The following AGBL1 variants were observed in gnomAD, a reference collection of about 807,000 sequenced individuals.
The protein encoded by AGBL1 is AGBL carboxypeptidase 1.
In AGBL1, 130 loss-of-function variants were observed where a neutral mutation model predicts 118.9. The ratio of observed to expected loss-of-function variants is 1.09; its 90% confidence interval spans 0.95 to 1.26. The LOEUF (loss-of-function observed/expected upper bound fraction) is 1.26, where lower values mean the gene tolerates loss of function less well. Ranked by LOEUF, AGBL1 falls within the 50% of genes most tolerant of loss-of-function variation. The pLI is 0.00. For missense variants in AGBL1, 1,584 were observed against 1,298.1 expected, an observed-to-expected ratio of 1.22 and a Z score of -3.38; for synonymous variants, 555 against 478.9, an observed-to-expected ratio of 1.16 and a Z score of -2.08.
chr15:86,546,591 A>G (rs8041860), intron 20 of AGBL1, among the ~76,000 whole-genome samples: 8,186 of 152,252 alleles, frequency 0.054, 698 homozygotes, highest in African/African-American at 0.18. Flanking sequence ...GACTTCAAAT[A>G]AATAGGAAGG....
chr15:86,224,813 G>A (rs2078334162), intron 5 of AGBL1, 101 bp from the exon 6 acceptor site: 3 of 1,072,706 alleles, frequency 2.8e-6, no homozygotes, highest in Non-Finnish European at 4.3e-6. Flanking sequence ...GTTAATCATG[G>A]GTCTGTTATG....
chr15:86,870,582 G>A (rs2079712781), intron 22 of AGBL1, among the ~76,000 whole-genome samples: 1 of 149,836 alleles, frequency 6.7e-6, no homozygotes, highest in Non-Finnish European at 1.5e-5. Context: ...TTGTACACAT[G>A]CTTACATGAG....
At chr15:86,711,043 A>G (rs537846177) in intron 22 of AGBL1, among the ~76,000 whole-genome samples, 4 of 152,286 alleles carry the variant, frequency 2.6e-5, no homozygotes, top group East Asian at 3.9e-4. Flanking sequence ...CTAGGCCACA[A>G]GGTGACTTCC....
At chr15:86,453,372 A>C (rs1039833141) in intron 18 of AGBL1, among the ~76,000 whole-genome samples, 1 of 152,208 alleles carries the variant, frequency 6.6e-6, no homozygotes, top group Non-Finnish European at 1.5e-5. Flanking sequence ...GGAAACTTCA[A>C]ATCCAATACA....
intron 21 of AGBL1, among the ~76,000 whole-genome samples, chr15:86,592,298 G>GA (rs1474643259): frequency 1.3e-5 from 2 of 152,130 alleles, no homozygotes; most frequent in African/African-American, 2.4e-5. Context: ...TGCCTCCTCA[G>GA]AAAAAAACGA....
At chr15:86,151,894 ATCATGAGTGAAC>A (rs1397549980) in intron 3 of AGBL1, among the ~76,000 whole-genome samples, 1 of 152,216 alleles carries the variant, frequency 6.6e-6, no homozygotes, top group Non-Finnish European at 1.5e-5. Context: ...AGAGAGCCAA[ATCATGAGTGAAC>A]TCCCATTCAC....
intron 24 of AGBL1, among the ~76,000 whole-genome samples, chr15:86,997,587 A>T (rs1425967248): frequency 6.6e-6 from 1 of 152,164 alleles, no homozygotes; most frequent in Non-Finnish European, 1.5e-5. Context: ...ATATTGATGG[A>T]TCACTTGATA....
chr15:86,087,332 C>CTT (rs565797859), intron 1 of AGBL1, among the ~76,000 whole-genome samples: 8 of 135,498 alleles, frequency 5.9e-5, no homozygotes, highest in South Asian at 2.4e-4. Context: ...ATTTAATGGG[C>CTT]TTTTTTTTTT....
At chr15:86,151,797 C>A (rs28804758) in intron 3 of AGBL1, among the ~76,000 whole-genome samples, 6,288 of 152,240 alleles carry the variant, frequency 0.041, 431 homozygotes, top group African/African-American at 0.14. Flanking sequence ...AGCCCAAAAT[C>A]TCCTTAAGCT....
At chr15:86,748,402 T>C (rs2077790425) in intron 22 of AGBL1, among the ~76,000 whole-genome samples, 3 of 151,986 alleles carry the variant, frequency 2.0e-5, no homozygotes, top group Non-Finnish European at 4.4e-5. Flanking sequence ...GATGAGTAGA[T>C]TGCAAAACTT....
At position 86,590,189 on chromosome 15, in the gene AGBL1, T is replaced by C. The variant is rs897246240; in HGVS notation, c.2994+35652T>C. ...AATAGGTTGTATTGGTAAAACACAT[T>C]ATGGGAGGGAGAGAAGAGGAGACTT... is the stretch of plus-strand genomic sequence containing the variant. On this transcript the variant is annotated intron_variant, in intron 21 of 22. Coordinates refer to ENST00000614907, the MANE Select transcript of AGBL1 (RefSeq NM_001386094.1). Among the ~76,000 whole-genome samples, 12 of 152,136 alleles carry C rather than the reference T, an allele frequency of 7.9e-5. 1 individual carries two copies. The highest frequency in any genetic ancestry group is 7.9e-4 in the Admixed American group (12 of 15,274).
intron 22 of AGBL1, among the ~76,000 whole-genome samples, chr15:86,706,487 T>A (rs937471365): frequency 6.6e-6 from 1 of 152,126 alleles, no homozygotes; most frequent in Non-Finnish European, 1.5e-5. Context: ...CTGCTAACCT[T>A]CTCCCACAAC....
intron 22 of AGBL1, among the ~76,000 whole-genome samples, chr15:86,892,682 C>A (rs1390992541): frequency 6.6e-6 from 1 of 152,120 alleles, no homozygotes; most frequent in Non-Finnish European, 1.5e-5. Flanking sequence ...AATGTTTATT[C>A]TTATTCTTTT....
chr15:86,743,058 T>G (rs2077702483), intron 22 of AGBL1, among the ~76,000 whole-genome samples: 1 of 152,122 alleles, frequency 6.6e-6, no homozygotes, highest in South Asian at 2.1e-4. Flanking sequence ...GCTGGATGAA[T>G]GGATGCATTT....
At chr15:86,780,889 A>C (rs2078327236) in intron 22 of AGBL1, among the ~76,000 whole-genome samples, 1 of 151,800 alleles carries the variant, frequency 6.6e-6, no homozygotes, top group Admixed American at 6.6e-5. Context: ...TCTGATTTTG[A>C]ACTCCTGACC....
chr15:86,196,707 C>G (rs1387764563), intron 5 of AGBL1, among the ~76,000 whole-genome samples: 1 of 152,004 alleles, frequency 6.6e-6, no homozygotes, highest in African/African-American at 2.4e-5. Flanking sequence ...AGCCCTAACC[C>G]CCAATGTTAC....
intron 5 of AGBL1, among the ~76,000 whole-genome samples, chr15:86,222,822 G>T (rs1400935331): frequency 5.9e-5 from 9 of 152,172 alleles, no homozygotes; most frequent in African/African-American, 2.2e-4. Context: ...ACTTTCTAGA[G>T]AGTTGTGATC....
At chr15:86,521,860 T>C (rs1596220162) in intron 18 of AGBL1, among the ~76,000 whole-genome samples, 1 of 151,664 alleles carries the variant, frequency 6.6e-6, no homozygotes, top group African/African-American at 2.4e-5. Context: ...TTGGGAGGAG[T>C]TGGGGGTGCT....
intron 22 of AGBL1, among the ~76,000 whole-genome samples, chr15:86,901,598 A>G (rs1360742109): frequency 6.6e-6 from 1 of 151,936 alleles, no homozygotes; most frequent in African/African-American, 2.4e-5. Context: ...ACCCCACATT[A>G]CCCTTTCTTT....
Sources: allele counts gnomAD v4.1 joint callset (sites outside exome capture counted in the v4.1 genomes callset), GRCh38; gene constraint gnomAD v4.1.1; transcripts MANE v1.5; gene names NCBI Gene and HGNC (gene_info 2026-07-23, HGNC 2026-07-21).